The following RANBP2 variants were observed in gnomAD, a reference collection of about 807,000 sequenced individuals.
RANBP2 encodes the protein RAN binding protein 2.
Under a neutral mutation model 303.6 loss-of-function variants are expected in RANBP2, and 57 were observed. The ratio of observed to expected loss-of-function variants is 0.19; its 90% CI spans 0.15 to 0.23. The LOEUF is 0.23. Ranked by LOEUF, RANBP2 falls within the 10% of genes least tolerant of loss-of-function variation. The pLI is 1.00. For missense variants in RANBP2, 3,138 were observed against 3,780.8 expected (o/e 0.83, Z 4.46); for synonymous variants, 1,167 against 1,301.5 (o/e 0.90, Z 2.23).
chr2:109,433,114 C>T, the RANBP2 span, among the ~76,000 whole-genome samples: 371 of 152,310 alleles, frequency 2.4e-3, 2 homozygotes, highest in Non-Finnish European at 4.0e-3. Context: ...TGCCTGTGCA[C>T]GTGCGTATGC....
intron 1 of RANBP2, among the ~76,000 whole-genome samples, chr2:108,720,608 A>G (rs1405802436): frequency 1.3e-5 from 2 of 152,296 alleles, no homozygotes; most frequent in East Asian, 3.9e-4. Context: ...TAAGCTGGGT[A>G]TTTGGGGCCA....
the RANBP2 span, among the ~76,000 whole-genome samples, chr2:109,312,993 G>A: frequency 1.3e-4 from 20 of 152,134 alleles, no homozygotes; most frequent in African/African-American, 3.9e-4. Context: ...ACAGTAATGC[G>A]GAAGAAGGGG....
the RANBP2 span, among the ~76,000 whole-genome samples, chr2:109,423,994 C>T: frequency 3.9e-5 from 6 of 152,210 alleles, no homozygotes; most frequent in Non-Finnish European, 7.3e-5. Flanking sequence ...AGGTCGGAGA[C>T]GTCTGGGCCG....
chr2:108,775,368 G>A (rs889385312), intron 23 of RANBP2, among the ~76,000 whole-genome samples: 6 of 152,090 alleles, frequency 3.9e-5, no homozygotes, highest in African/African-American at 7.2e-5. Flanking sequence ...AGAAAGTAGA[G>A]TCTCTTTTTT....
the RANBP2 span, among the ~76,000 whole-genome samples, chr2:109,580,314 T>C: frequency 6.7e-6 from 1 of 148,192 alleles, no homozygotes; most frequent in African/African-American, 2.5e-5. Context: ...TTACTAAAGA[T>C]TAAATGAAAG....
At chr2:108,915,671 G>A in the RANBP2 span, among the ~76,000 whole-genome samples, 6 of 152,104 alleles carry the variant, frequency 3.9e-5, no homozygotes, top group South Asian at 2.1e-4. Context: ...AGGCCGAGGC[G>A]GGAGGATCAC....
chr2:109,112,437 A>G, the RANBP2 span, among the ~76,000 whole-genome samples: 2 of 152,164 alleles, frequency 1.3e-5, no homozygotes, highest in Non-Finnish European at 2.9e-5. Flanking sequence ...TCTTCTTTTG[A>G]GAAGTGTCTG....
At chr2:108,856,733 T>A in the RANBP2 span, 2 of 1,495,064 alleles carry the variant, frequency 1.3e-6, no homozygotes, top group East Asian at 4.7e-5. Flanking sequence ...TTTTACCTTC[T>A]GTTTCTGATT....
At chr2:109,742,277 C>T in the RANBP2 span, among the ~76,000 whole-genome samples, 35 of 93,930 alleles carry the variant, frequency 3.7e-4, no homozygotes, top group Non-Finnish European at 4.5e-4. Context: ...GAAAATTAGC[C>T]GGGCATGGTG....
At chr2:109,301,688 T>C in the RANBP2 span, among the ~76,000 whole-genome samples, 1 of 152,320 alleles carries the variant, frequency 6.6e-6, no homozygotes, top group African/African-American at 2.4e-5. Flanking sequence ...CTGTATTTTG[T>C]TGTTTTGAGG....
At chr2:108,754,576 C>T (rs1330397820) in intron 15 of RANBP2, among the ~76,000 whole-genome samples, 7 of 150,638 alleles carry the variant, frequency 4.6e-5, no homozygotes, top group Non-Finnish European at 7.4e-5. Flanking sequence ...CTTGGAAAAG[C>T]TTTCCAAGTT....
the RANBP2 span, among the ~76,000 whole-genome samples, chr2:109,149,907 C>A: frequency 2.0e-5 from 3 of 152,322 alleles, no homozygotes; most frequent in South Asian, 6.2e-4. Context: ...AGGTTGAAAT[C>A]ACTTTTTAAT....
chr2:108,835,968 A>G, the RANBP2 span, among the ~76,000 whole-genome samples: 2 of 152,296 alleles, frequency 1.3e-5, no homozygotes, highest in African/African-American at 4.8e-5. Flanking sequence ...GTGGAAGAGC[A>G]GGAGAAAGGG....
chr2:109,091,895 G>A, the RANBP2 span, among the ~76,000 whole-genome samples: 1 of 152,104 alleles, frequency 6.6e-6, no homozygotes, highest in Non-Finnish European at 1.5e-5. Flanking sequence ...TCTGTTTGTA[G>A]CTCCACCACC....
At chr2:109,324,115 G>A in the RANBP2 span, among the ~76,000 whole-genome samples, 8 of 152,270 alleles carry the variant, frequency 5.3e-5, no homozygotes, top group Admixed American at 6.5e-5. Flanking sequence ...TTCAAGGTTC[G>A]TCTTGGTTGT....
chr2:109,265,448 G>A, the RANBP2 span, among the ~76,000 whole-genome samples: 1 of 152,228 alleles, frequency 6.6e-6, no homozygotes, highest in African/African-American at 2.4e-5. Context: ...CTGACAGTGA[G>A]CCCCCACCTC....
the RANBP2 span, among the ~76,000 whole-genome samples, chr2:109,146,317 A>G: frequency 6.6e-6 from 1 of 152,188 alleles, no homozygotes; most frequent in Admixed American, 6.5e-5. Flanking sequence ...AAATTGCCAA[A>G]GGGATCATTC....
At chr2:109,585,099 G>A in the RANBP2 span, 9 of 1,441,522 alleles carry the variant, frequency 6.2e-6, no homozygotes, top group East Asian at 7.2e-5. Context: ...AGAAAAACTT[G>A]TTTTATTACA....
the RANBP2 span, among the ~76,000 whole-genome samples, chr2:109,267,140 A>G: frequency 2.0e-5 from 3 of 152,272 alleles, no homozygotes; most frequent in African/African-American, 7.2e-5. Context: ...GAGGTGGTCA[A>G]ACAGGATGGG....
Sources: gnomAD v4.1 joint callset for allele counts (sites outside exome capture counted in the v4.1 genomes callset) on GRCh38, gnomAD v4.1.1 for gene constraint, MANE v1.5 for transcripts, NCBI Gene and HGNC (gene_info 2026-07-23, HGNC 2026-07-21) for gene names.